Variants in STK39 observed in about 807,000 individuals in gnomAD.
STK39 encodes the protein serine/threonine kinase 39, also known as STE20/SPS1-related proline-alanine-rich protein kinase.
A neutral mutation model predicts 77.8 loss-of-function variants in STK39; 20 were observed. The ratio of observed to expected loss-of-function variants is 0.26; its 90% CI spans 0.18 to 0.37. STK39 has a LOEUF of 0.37. Among genes scored for constraint, STK39 ranks in the 10% least tolerant of loss-of-function variants. The pLI, the probability that STK39 is intolerant of heterozygous loss-of-function variation, is 1.00. For synonymous variants in STK39, 246 were observed against 234.1 expected, an observed-to-expected ratio of 1.05 and a Z score of -0.47; for missense variants, 479 against 656.5, an observed-to-expected ratio of 0.73 and a Z score of 2.95.
At chr2:168,161,938 G>A in intron 4 of STK39, 96 bp from the exon 5 acceptor site, 1 of 788,562 alleles carries the variant, frequency 1.3e-6, no homozygotes, top group Non-Finnish European at 2.0e-6. Flanking sequence ...ATACAACGCA[G>A]CTCTTTGACA....
At chr2:168,129,896 T>C (rs1441790510) in intron 8 of STK39, 138 bp from the exon 9 acceptor site, 2 of 888,506 alleles carry the variant, frequency 2.3e-6, no homozygotes, top group Non-Finnish European at 3.6e-6. Context: ...AAATTAATCA[T>C]AGGCTGGCAC....
At chr2:167,976,203 A>G (rs1683272455) in intron 16 of STK39, among the ~76,000 whole-genome samples, 1 of 152,240 alleles carries the variant, frequency 6.6e-6, no homozygotes, top group Admixed American at 6.5e-5. Context: ...AAGTGAGTAT[A>G]CTACAAGCAG....
At chr2:168,129,046 T>C (rs138228413) in intron 10 of STK39, among the ~76,000 whole-genome samples, 77 of 152,302 alleles carry the variant, frequency 5.1e-4, no homozygotes, top group African/African-American at 1.8e-3. Flanking sequence ...TGGAAGATTG[T>C]TCAGCTAATC....
intron 16 of STK39, among the ~76,000 whole-genome samples, chr2:168,002,627 T>G (rs958801401): frequency 6.6e-6 from 1 of 152,240 alleles, no homozygotes; most frequent in Admixed American, 6.5e-5. Context: ...TCCTCTGAGT[T>G]TGGCGCAGAG....
chr2:168,194,865 A>G (rs150802442), intron 1 of STK39, among the ~76,000 whole-genome samples: 128 of 152,332 alleles, frequency 8.4e-4, no homozygotes, highest in African/African-American at 2.8e-3. Flanking sequence ...AAAGAAAACC[A>G]TTACAAGTAT....
chr2:168,057,559 C>T (rs770026056), intron 14 of STK39, among the ~76,000 whole-genome samples: 9 of 152,048 alleles, frequency 5.9e-5, no homozygotes, highest in African/African-American at 1.9e-4. Context: ...CACACACACA[C>T]GCATGCACGC....
At chr2:167,970,035 C>G (rs1241815375) in intron 16 of STK39, among the ~76,000 whole-genome samples, 1 of 152,178 alleles carries the variant, frequency 6.6e-6, no homozygotes, top group Admixed American at 6.5e-5. Context: ...TTGCCCAGAA[C>G]CTCTGTACCT....
At chr2:168,173,603 G>A (rs996952421) in intron 2 of STK39, among the ~76,000 whole-genome samples, 1 of 151,806 alleles carries the variant, frequency 6.6e-6, no homozygotes, top group African/African-American at 2.4e-5. Context: ...TGTTGCCCAG[G>A]CTAGAATGCA....
chr2:168,234,335 C>A (rs1231476544), intron 1 of STK39, among the ~76,000 whole-genome samples: 2 of 152,190 alleles, frequency 1.3e-5, no homozygotes, highest in Non-Finnish European at 2.9e-5. Flanking sequence ...GCCAGTGTAA[C>A]CGAAGGACTG....
intron 14 of STK39, among the ~76,000 whole-genome samples, chr2:168,058,428 C>T (rs1685580474): frequency 6.6e-6 from 1 of 152,186 alleles, no homozygotes; most frequent in South Asian, 2.1e-4. Context: ...TCTTCTCTAC[C>T]TTCACTTACT....
At chr2:168,105,258 T>C (rs1292585811) in intron 10 of STK39, among the ~76,000 whole-genome samples, 1 of 152,214 alleles carries the variant, frequency 6.6e-6, no homozygotes, top group Non-Finnish European at 1.5e-5. Context: ...CTCAGTCTGA[T>C]GAACTTCACA....
intron 10 of STK39, among the ~76,000 whole-genome samples, chr2:168,105,691 T>C (rs1306690267): frequency 6.6e-6 from 1 of 152,226 alleles, no homozygotes; most frequent in Non-Finnish European, 1.5e-5. Flanking sequence ...TTTAGAAGGA[T>C]TGCATGCACA....
intron 12 of STK39, among the ~76,000 whole-genome samples, chr2:168,066,525 T>C (rs1037990651): frequency 1.3e-5 from 2 of 152,222 alleles, no homozygotes; most frequent in East Asian, 3.9e-4. Flanking sequence ...TCAGGGTGAT[T>C]CCACAATCTT....
chr2:168,247,311 G>GCCGGGC lies in STK39; in HGVS notation c.124_125insGCCCGG (p.Ala41_Ala42insGlyPro). 3 of 1,039,190 alleles carry GCCGGGC rather than the reference G, an allele frequency of 2.9e-6. No individual in the cohort carries two copies. Among genetic ancestry groups the GCCGGGC allele is most frequent in the Non-Finnish European group, 3.5e-6 (3 of 863,078 alleles). 64.4% of individuals were successfully genotyped at this position (1,039,190 alleles called of 1,614,324 possible). A position where few individuals can be genotyped will look rare whatever the true frequency, so the allele number is the denominator to read the frequency against. ...CGCCGGGGCCGGGGCCGGGGCCGGG[G>GCCGGGC]CCGCGGGAGCTGCCGGGGCCGGCGC... On this transcript the variant is annotated inframe_insertion, in exon 1 of 18. Transcript: ENST00000355999.
At chr2:168,115,390 T>C (rs1687232701) in intron 10 of STK39, among the ~76,000 whole-genome samples, 1 of 152,148 alleles carries the variant, frequency 6.6e-6, no homozygotes, top group African/African-American at 2.4e-5. Flanking sequence ...ACTTTAAACA[T>C]ATGTAAGGTG....
intron 16 of STK39, among the ~76,000 whole-genome samples, chr2:167,994,965 T>C (rs191426455): frequency 4.1e-4 from 63 of 152,030 alleles, no homozygotes; most frequent in Non-Finnish European, 6.2e-4. Flanking sequence ...TAAGAGGAGT[T>C]GCAAAGATGA....
At chr2:168,140,084 T>C (rs1455644132) in intron 7 of STK39, among the ~76,000 whole-genome samples, 1 of 152,218 alleles carries the variant, frequency 6.6e-6, no homozygotes, top group Non-Finnish European at 1.5e-5. Flanking sequence ...GTGCTGAGAC[T>C]ATAAAGCAAG....
At chr2:168,144,951 A>G (rs1265173986) in intron 5 of STK39, among the ~76,000 whole-genome samples, 1 of 150,736 alleles carries the variant, frequency 6.6e-6, no homozygotes, top group Non-Finnish European at 1.5e-5. Flanking sequence ...ACTGCACTCC[A>G]GTCTAGGCAA....
chr2:168,046,562 A>T (rs1422763707), intron 14 of STK39, among the ~76,000 whole-genome samples: 1 of 151,998 alleles, frequency 6.6e-6, no homozygotes, highest in Non-Finnish European at 1.5e-5. Context: ...GAGGTGAGTC[A>T]CTTGCTCACC....
Sources: gnomAD v4.1 joint callset for allele counts (sites outside exome capture counted in the v4.1 genomes callset) on GRCh38, gnomAD v4.1.1 for gene constraint, MANE v1.5 for transcripts, NCBI Gene and HGNC (gene_info 2026-07-23, HGNC 2026-07-21) for gene names.